ZNF75D: variants seen among roughly 807,000 people sequenced by gnomAD.
ZNF75D encodes the protein zinc finger protein 75D.
In ZNF75D, 33 loss-of-function variants were observed where a neutral mutation model predicts 33.3. That is an observed-to-expected ratio of 0.99 (90% confidence interval 0.75 to 1.32). The LOEUF is 1.32. Ranked by LOEUF, ZNF75D falls within the 40% of genes most tolerant of loss-of-function variation. The pLI is 0.00. For missense variants in ZNF75D, 338 were observed against 367.5 expected (o/e 0.92, Z 0.66); for synonymous variants, 113 against 130.6 (o/e 0.87, Z 0.92).
At chrX:135,337,453 A>G (rs1223963986) in intron 1 of ZNF75D, among the ~76,000 whole-genome samples, 2 of 109,480 alleles carry the variant, frequency 1.8e-5, no homozygotes, top group African/African-American at 6.5e-5. Flanking sequence ...GAACCACTCA[A>G]ATTTTTACTT....
intron 1 of ZNF75D, among the ~76,000 whole-genome samples, chrX:135,270,239 T>G (rs1556416770): frequency 9.4e-6 from 1 of 106,577 alleles, no homozygotes; most frequent in African/African-American, 3.4e-5. Flanking sequence ...TTAAAATAAC[T>G]AAAATAGTAT....
chrX:135,256,744 T>C (rs76166288), intron 1 of ZNF75D, among the ~76,000 whole-genome samples: 2,389 of 111,165 alleles, frequency 0.021, 79 homozygotes, highest in East Asian at 0.19. Context: ...TTACTTCTGC[T>C]TAAGGAGAGG....
intron 1 of ZNF75D, among the ~76,000 whole-genome samples, chrX:135,335,758 C>T (rs1181380546): frequency 1.8e-5 from 2 of 111,723 alleles, no homozygotes; most frequent in African/African-American, 6.5e-5. Context: ...CACAGGTATA[C>T]ACAGCTCAAT....
downstream of ZNF75D, among the ~76,000 whole-genome samples, chrX:135,281,537 G>A (rs782490298): frequency 3.2e-4 from 36 of 111,235 alleles, no homozygotes; most frequent in Admixed American, 3.3e-3. Flanking sequence ...TGCTGGCGAG[G>A]AGTTGTGGTC....
At chrX:135,290,674 T>C (rs782193376) in intron 6 of ZNF75D, among the ~76,000 whole-genome samples, 7 of 112,983 alleles carry the variant, frequency 6.2e-5, no homozygotes, top group Non-Finnish European at 7.5e-5. Context: ...GTTATTGTTG[T>C]TGATTTACAG....
At chrX:135,271,133 G>A (rs1054658021) in intron 1 of ZNF75D, among the ~76,000 whole-genome samples, 6 of 111,505 alleles carry the variant, frequency 5.4e-5, no homozygotes, top group East Asian at 2.8e-4. Context: ...TCACCAGGCC[G>A]CTCTAGCACT....
chrX:135,281,252 A>C (rs1383827215), downstream of ZNF75D, among the ~76,000 whole-genome samples: 1 of 108,547 alleles, frequency 9.2e-6, no homozygotes, highest in African/African-American at 3.3e-5. Context: ...AATCTCTGAT[A>C]TCCTTTCTTC....
At chrX:135,319,200 G>A (rs1388693949) in intron 1 of ZNF75D, among the ~76,000 whole-genome samples, 1 of 112,346 alleles carries the variant, frequency 8.9e-6, no homozygotes, top group Non-Finnish European at 1.9e-5. Context: ...TCTGTATAGA[G>A]AACATTATTT....
At chrX:135,258,295 C>A (rs1433931273) in intron 1 of ZNF75D, among the ~76,000 whole-genome samples, 2 of 109,790 alleles carry the variant, frequency 1.8e-5, no homozygotes, top group East Asian at 5.7e-4. Context: ...ATTTATAATC[C>A]TTTGGGTATA....
At chrX:135,309,212 CTGTG>C (rs1400769166) in intron 1 of ZNF75D, among the ~76,000 whole-genome samples, 1 of 111,968 alleles carries the variant, frequency 8.9e-6, no homozygotes, top group African/African-American at 3.2e-5. Flanking sequence ...TCTAACAGGT[CTGTG>C]TGTGTCAGGT....
intron 1 of ZNF75D, among the ~76,000 whole-genome samples, chrX:135,304,389 A>G (rs1442131466): frequency 8.9e-6 from 1 of 111,831 alleles, no homozygotes; most frequent in Non-Finnish European, 1.9e-5. Context: ...GGAGACCTGG[A>G]GAGGAGGAGG....
intron 1 of ZNF75D, among the ~76,000 whole-genome samples, chrX:135,273,244 C>T (rs908286455): frequency 2.4e-4 from 27 of 111,604 alleles, no homozygotes; most frequent in African/African-American, 8.8e-4. Flanking sequence ...AGGCAACTGC[C>T]GGGTTCTGGC....
At chrX:135,325,163 A>G (rs2084545449) in intron 1 of ZNF75D, among the ~76,000 whole-genome samples, 1 of 108,833 alleles carries the variant, frequency 9.2e-6, no homozygotes, top group African/African-American at 3.3e-5. Flanking sequence ...CTAAGGGAGG[A>G]GGATTAAATG....
chrX:135,299,983 C>T (rs1602617829), intron 1 of ZNF75D, among the ~76,000 whole-genome samples: 2 of 112,068 alleles, frequency 1.8e-5, no homozygotes, highest in African/African-American at 6.5e-5. Context: ...AATGTCTAGT[C>T]TTATGCAAAT....
Position 135,287,685 on chromosome X carries a change from A to G in ZNF75D, c.985T>C (p.Trp329Arg). The change falls in exon 7 of 7, where the codon TGG (tryptophan) becomes CGG (arginine). Residue 329 changes from tryptophan (W) to arginine (R), a missense_variant. By Grantham distance (101) the Trp-to-Arg change is moderately radical. Coordinates refer to ENST00000370766, the MANE Select transcript of ZNF75D (RefSeq NM_007131.5). ...TTCTTCCTTGGAAAAGCTCGATGCC[A>G]TTTCTGTACACTGTGTGTATCACCA... The part of the protein sequence containing the change: ...NPGDTHSVQK[W>R]HRAFPRKKRK... The G allele has an allele frequency of 6.6e-6, 8 of 1,210,315 alleles. No individual in the cohort carries two copies. The highest frequency in any genetic ancestry group is 8.9e-6 in the Non-Finnish European group (8 of 895,218).
rs1556419762 is a variant in ZNF75D at position 135,287,226 on chromosome X, A to G, written c.1444T>C (p.Cys482Arg). 2.5e-6 allele frequency: 3 copies of G among 1,211,453 alleles called. No homozygotes were observed. Among genetic ancestry groups the G allele is most frequent in the South Asian group, 3.5e-5 (2 of 56,839 alleles). ...TGEQPYTCSL[C>R]KRNFSRRSSL... ...GATCGCCTACTAAAGTTTCTCTTGCATAAGCTACACGTATAAGGCTGCTCA... is the reference window on the plus strand; with the variant it reads ...GATCGCCTACTAAAGTTTCTCTTGCGTAAGCTACACGTATAAGGCTGCTCA... The change falls in exon 7 of 7, where the codon TGC (cysteine) becomes CGC (arginine). Residue 482 changes from cysteine to arginine, a missense_variant. Around this residue, in one of 3 missense-constraint regions of ZNF75D, gnomAD observed 79 missense variants for 80.1 expected, o/e 0.99. Coordinates refer to ENST00000370766, the MANE Select transcript of ZNF75D (RefSeq NM_007131.5).
chrX:135,291,955 C>A (rs782458302), intron 4 of ZNF75D, among the ~76,000 whole-genome samples: 5 of 112,087 alleles, frequency 4.5e-5, no homozygotes, highest in Non-Finnish European at 7.5e-5. Context: ...TCACATTCTG[C>A]CACTGATAGC....
intron 1 of ZNF75D, among the ~76,000 whole-genome samples, chrX:135,338,992 T>C (rs192179880): frequency 9.4e-6 from 1 of 105,822 alleles, no homozygotes; most frequent in East Asian, 3.0e-4. Context: ...TCCTCTCCCT[T>C]CTCTCCCTCT....
intron 2 of ZNF75D, among the ~76,000 whole-genome samples, chrX:135,294,721 CAT>C (rs2084099469): frequency 8.9e-6 from 1 of 111,845 alleles, no homozygotes; most frequent in Non-Finnish European, 1.9e-5. Context: ...CCCTTCATCT[CAT>C]TTAGATTGAA....
Sources: allele counts gnomAD v4.1 joint callset (sites outside exome capture counted in the v4.1 genomes callset), GRCh38; gene constraint gnomAD v4.1.1; regional missense constraint gnomAD v4.1.1; transcripts MANE v1.5; gene names NCBI Gene and HGNC (gene_info 2026-07-23, HGNC 2026-07-21).